Variants in RELN observed in about 807,000 individuals in gnomAD.
The protein encoded by RELN is reelin.
A neutral mutation model predicts 427.6 loss-of-function variants in RELN; 108 were observed. That is an observed-to-expected ratio of 0.25 (90% CI 0.22 to 0.30). The LOEUF is 0.30. Among genes scored for constraint, RELN ranks in the 10% least tolerant of loss-of-function variants. The pLI is 1.00. For synonymous variants in RELN, 1,524 were observed against 1,513.4 expected (o/e 1.01, Z -0.16); for missense variants, 3,715 against 4,302.8 (o/e 0.86, Z 3.82).
chr7:103,685,237 G>A (rs960985788), intron 10 of RELN, among the ~76,000 whole-genome samples: 3 of 152,032 alleles, frequency 2.0e-5, no homozygotes, highest in African/African-American at 4.8e-5. Context: ...AATTGGTCTC[G>A]ATTTTAATAC....
rs1258228350 is a variant in RELN at position 103,626,499 on chromosome 7, T to C, written c.2702+3441A>G. Among the ~76,000 whole-genome samples, 1 of 152,044 alleles carries C rather than the reference T, an allele frequency of 6.6e-6. No homozygotes were observed. Among genetic ancestry groups the C allele is most frequent in the Non-Finnish European group, 1.5e-5 (1 of 67,952 alleles). ...CCAAATAGCTGGGATTACAGGCATG[T>C]GTCACCACGCTCGGCTAGTTTGTGT... On this transcript the variant is annotated intron_variant, in intron 20 of 64. Coordinates refer to ENST00000428762, the MANE Select transcript of RELN (RefSeq NM_005045.4). This position sits in a 1 kb window ranked among gnomAD's most constrained non-coding sequence, Gnocchi z 4.4.
At chr7:103,935,594 C>T (rs1795964091) in intron 1 of RELN, among the ~76,000 whole-genome samples, 1 of 152,104 alleles carries the variant, frequency 6.6e-6, no homozygotes. Flanking sequence ...ATCTACATGC[C>T]AAAGGATCCC....
At chr7:103,516,922 T>C (rs1325998874) in intron 49 of RELN, among the ~76,000 whole-genome samples, 1 of 152,188 alleles carries the variant, frequency 6.6e-6, no homozygotes, top group Non-Finnish European at 1.5e-5. Flanking sequence ...GGTAGGATGC[T>C]TTTAGCTGGA....
chr7:103,956,491 T>A (rs938033444), intron 1 of RELN, among the ~76,000 whole-genome samples: 1 of 152,212 alleles, frequency 6.6e-6, no homozygotes. Context: ...CCTTACAGCA[T>A]GACTTCTGGA....
chr7:103,487,296 C>A (rs995436118), intron 60 of RELN, among the ~76,000 whole-genome samples: 1 of 151,652 alleles, frequency 6.6e-6, no homozygotes, highest in Non-Finnish European at 1.5e-5. Flanking sequence ...AGGAGAAATA[C>A]CTAATGTAGA....
Position 103,824,627 on chromosome 7 carries a change from A to AGAGTGTGTGTGTGTGT in RELN, c.473+8909_473+8910insACACACACACACACTC, listed in dbSNP as rs1279358387. The stretch of plus-strand genomic sequence containing the variant: ...GTGTTTTCACTTTCTTTCAAAACAG[A>AGAGTGTGTGTGTGTGT]GTGTGTGTGTGTGTGTGTGTGTGTG... On this transcript the variant is annotated intron_variant, in intron 3 of 64. Transcript: ENST00000428762. This position sits in a 1 kb window ranked among gnomAD's most constrained non-coding sequence, Gnocchi z 4.4. Among the ~76,000 whole-genome samples the AGAGTGTGTGTGTGTGT allele has an allele frequency of 2.3e-5, 3 of 130,896 alleles. No individual in the cohort carries two copies. The highest frequency in any genetic ancestry group is 8.8e-5 in the African/African-American group (3 of 33,978). The allele number at this position is 130,896 out of a possible 152,430, so 85.9% of individuals were successfully genotyped here. A position where few individuals can be genotyped will look rare whatever the true frequency, so the allele number is the denominator to read the frequency against.
chr7:103,940,082 A>C (rs1367601830), intron 1 of RELN, among the ~76,000 whole-genome samples: 2 of 152,228 alleles, frequency 1.3e-5, no homozygotes, highest in African/African-American at 4.8e-5. Flanking sequence ...TGTTTTATAC[A>C]TATACCCAGT....
intron 61 of RELN, 91 bp from the exon 62 acceptor site, chr7:103,483,941 G>T: frequency 7.8e-7 from 1 of 1,285,290 alleles, no homozygotes; most frequent in South Asian, 1.3e-5. Flanking sequence ...GTACAGTGGT[G>T]TGATCTCGGC....
At chr7:103,936,299 G>T (rs985748133) in intron 1 of RELN, among the ~76,000 whole-genome samples, 1 of 151,998 alleles carries the variant, frequency 6.6e-6, no homozygotes, top group Non-Finnish European at 1.5e-5. Context: ...CAACATGTTG[G>T]CCAGGCTGGT....
intron 3 of RELN, among the ~76,000 whole-genome samples, chr7:103,812,139 T>C (rs1375354779): frequency 6.7e-6 from 1 of 149,504 alleles, no homozygotes; most frequent in Admixed American, 6.7e-5. Flanking sequence ...TCACTTTCAC[T>C]CCTTACAGGT....
intron 11 of RELN, among the ~76,000 whole-genome samples, chr7:103,665,056 G>C (rs150929822): frequency 6.9e-4 from 105 of 152,162 alleles, no homozygotes; most frequent in Middle Eastern, 3.4e-3. Flanking sequence ...TCTTCTAAAA[G>C]TTTTAAAGCT....
intron 2 of RELN, among the ~76,000 whole-genome samples, chr7:103,837,582 A>T (rs987285160): frequency 1.3e-5 from 2 of 152,172 alleles, no homozygotes; most frequent in African/African-American, 4.8e-5. Context: ...TCTAACACCA[A>T]ACATTGAGAG....
chr7:103,490,601 G>T, intron 59 of RELN, 67 bp downstream of exon 59: 1 of 1,527,902 alleles, frequency 6.5e-7, no homozygotes, highest in Non-Finnish European at 9.1e-7. Flanking sequence ...GTTGTTTTCA[G>T]CTCACTGCAT....
At chr7:103,880,733 C>G (rs919220885) in intron 2 of RELN, among the ~76,000 whole-genome samples, 2 of 152,170 alleles carry the variant, frequency 1.3e-5, no homozygotes, top group African/African-American at 2.4e-5. Flanking sequence ...GTCATGCAGG[C>G]TGGAGTGCAG....
chr7:103,940,003 T>A lies in RELN; in HGVS notation c.227-22818A>T, dbSNP rs145158455. 9.9e-4 allele frequency among the ~76,000 whole-genome samples: 151 copies of A among 152,352 alleles called. 1 individual carries two copies. Among genetic ancestry groups the A allele is most frequent in the African/African-American group, 3.6e-3 (148 of 41,580 alleles). On this transcript the variant is annotated intron_variant, in intron 1 of 64. Transcript: ENST00000428762. ...TAGTTCGTGAAAACTCAACAATCTG[T>A]ACATGTATATTATTTATTATTTTTC... is the stretch of plus-strand genomic sequence containing the variant.
At position 103,678,219 on chromosome 7, in the gene RELN, C is replaced by T. The variant is rs559363297; in HGVS notation, c.1289+3897G>A. 2.0e-4 allele frequency among the ~76,000 whole-genome samples: 31 copies of T among 152,204 alleles called. 1 individual carries two copies. Among genetic ancestry groups the T allele is most frequent in the African/African-American group, 7.5e-4 (31 of 41,530 alleles). ...TAATGTTTACGTTTGGGATGAAAGG[C>T]AAATACACAAATTCCATATTATAGC... On this transcript the variant is annotated intron_variant, in intron 11 of 64. Transcript: ENST00000428762.
chr7:103,652,638 T>C lies in RELN; in HGVS notation c.1676A>G (p.His559Arg), dbSNP rs745381165. 8.1e-6 allele frequency: 13 copies of C among 1,612,810 alleles called. No individual in the cohort carries two copies. Among genetic ancestry groups the C allele is most frequent in the Non-Finnish European group, 3.4e-6 (4 of 1,179,304 alleles). Reference protein sequence around the residue: ...NRNVWAVDFFHVLPVLPSTMS... With the variant: ...NRNVWAVDFFRVLPVLPSTMS... The stretch of plus-strand genomic sequence containing the variant: ...TGTAGAAGGGAGAACAGGCAAGACA[T>C]GGAAAAAGTCTACAGCCCAGACATT... The change falls in exon 14 of 65, where the codon CAT becomes CGT. Residue 559 changes from histidine to arginine, a missense_variant. By Grantham distance (29) the His-to-Arg change is conservative. Coordinates refer to ENST00000428762, the MANE Select transcript of RELN (RefSeq NM_005045.4).
intron 20 of RELN, among the ~76,000 whole-genome samples, chr7:103,625,039 A>G (rs1832299286): frequency 6.6e-6 from 1 of 152,316 alleles, no homozygotes; most frequent in South Asian, 2.1e-4. Context: ...GATAAACAAA[A>G]ACTATAGCTT....
intron 12 of RELN, among the ~76,000 whole-genome samples, chr7:103,658,984 G>C (rs746186484): frequency 6.6e-6 from 1 of 151,452 alleles, no homozygotes; most frequent in Non-Finnish European, 1.5e-5. Flanking sequence ...CTAGATGAGG[G>C]TTCTCCCTAA....
Sources: allele counts gnomAD v4.1 joint callset (sites outside exome capture counted in the v4.1 genomes callset), GRCh38; gene constraint gnomAD v4.1.1; non-coding constraint Gnocchi (gnomAD v3.1); transcripts MANE v1.5; gene names NCBI Gene and HGNC (gene_info 2026-07-23, HGNC 2026-07-21).